The following ATG2B variants were observed in gnomAD, a reference collection of about 807,000 sequenced individuals.
ATG2B encodes the protein autophagy related 2B, also known as autophagy-related protein 2 homolog B.
In ATG2B, 121 loss-of-function variants were observed where a neutral mutation model predicts 241.3. That is an observed-to-expected ratio of 0.50 (90% CI 0.43 to 0.58). ATG2B has a LOEUF of 0.58. ATG2B is among the 20% of genes least tolerant of loss of function. ATG2B has a pLI of 0.00. For missense variants in ATG2B, 2,306 were observed against 2,491.6 expected (o/e 0.93, Z 1.59); for synonymous variants, 858 against 876.6 (o/e 0.98, Z 0.37).
rs545746448 is a variant in ATG2B at position 96,328,917 on chromosome 14, T to C, written c.1882-151A>G. 6.9e-4 allele frequency: 369 copies of C among 535,008 alleles called. 1 individual carries two copies. Among genetic ancestry groups the C allele is most frequent in the Non-Finnish European group, 3.1e-4 (93 of 301,454 alleles). 33.1% of individuals were successfully genotyped at this position (535,008 alleles called of 1,614,324 possible). ...ACTAGCAATGTGAACCTTAGACAAG[T>C]TAGTTAACTCATGTGATATCTCATC... On this transcript the variant is annotated intron_variant, in intron 12 of 41. Coordinates refer to ENST00000359933, the MANE Select transcript of ATG2B (RefSeq NM_018036.7).
chr14:96,315,301 A>G (rs1191309353), intron 22 of ATG2B, 67 bp from the exon 23 acceptor site: 45 of 1,585,944 alleles, frequency 2.8e-5, no homozygotes, highest in Non-Finnish European at 2.5e-5. Context: ...AAGTTTTTCC[A>G]AGAAAATAAA....
chr14:96,346,473 CCATGCATG>C (rs1888172251), intron 2 of ATG2B, among the ~76,000 whole-genome samples: 1 of 152,104 alleles, frequency 6.6e-6, no homozygotes, highest in Non-Finnish European at 1.5e-5. Context: ...AAGACGATTT[CCATGCATG>C]CATAATCGGT....
rs772195120 is a variant in ATG2B at position 96,295,122 on chromosome 14, T to C, written c.5264A>G (p.His1755Arg). The C allele has an allele frequency of 6.2e-6, 10 of 1,614,082 alleles. No individual in the cohort carries two copies. The Admixed American group carries it at 6.7e-5, about 11-fold the overall frequency. ...GADVTCSLPR[H>R]LSTSKEPNLV... The stretch of plus-strand genomic sequence containing the variant: ...ATTTGGCTCCTTTGAGGTACTCAAA[T>C]GCCTTGGCAAACTGCAGGTGACATC... Residue 1755 changes from histidine to arginine, a missense_variant, in exon 36 of 42, where the codon CAT becomes CGT. His to Arg is a conservative substitution (Grantham distance 29). This residue lies in a region of ATG2B where 379 missense variants were observed against 480.4 expected (regional missense o/e 0.79). Transcript: ENST00000359933.
At position 96,289,608 on chromosome 14, in the gene ATG2B, GA is replaced by G; in HGVS notation, c.6006+47del. The G allele has an allele frequency of 1.3e-6, 2 of 1,592,778 alleles. No individual in the cohort carries two copies. The highest frequency in any genetic ancestry group is 1.7e-6 in the Non-Finnish European group (2 of 1,170,196). On this transcript the variant is annotated intron_variant, in intron 41 of 41. Coordinates refer to ENST00000359933, the MANE Select transcript of ATG2B (RefSeq NM_018036.7). This position sits in a 1 kb window ranked among gnomAD's most constrained non-coding sequence, Gnocchi z 4.3. Reference sequence around the variant, plus strand: ...TAAATGCTCTTTAGGTGAAAGTTGGGAAAGCGCACAGAAGGGTTCTGATGTG... The same window carrying G: ...TAAATGCTCTTTAGGTGAAAGTTGGGAAGCGCACAGAAGGGTTCTGATGTG...
intron 6 of ATG2B, 68 bp from the exon 7 acceptor site, chr14:96,334,569 A>T: frequency 1.1e-6 from 1 of 879,606 alleles, no homozygotes; most frequent in Non-Finnish European, 1.8e-6. Flanking sequence ...AAACGTCAGT[A>T]TATTTTAATG....
Position 96,341,582 on chromosome 14 carries a change from T to C in ATG2B, c.864A>G (p.Leu288=), listed in dbSNP as rs537384313. 1 of 1,604,504 alleles carries C rather than the reference T, an allele frequency of 6.2e-7. No individual in the cohort carries two copies. The highest frequency in any genetic ancestry group is 2.2e-5 in the East Asian group (1 of 44,538). Reference sequence around the variant, plus strand: ...TGAGACTCAACTCCAACCTACCAATTAACCGTCCAATCTGCACTGGGTCAG... The same window carrying C: ...TGAGACTCAACTCCAACCTACCAATCAACCGTCCAATCTGCACTGGGTCAG... ...APSDPVQIGR[L]IGRLELSLTL... is the part of the protein sequence containing the mutation. Residue 288 remains leucine (L), a synonymous_variant, in exon 6 of 42, where the codon TTA becomes TTG. Transcript: ENST00000359933.
chr14:96,295,422 T>G, intron 35 of ATG2B, 60 bp downstream of exon 35: 1 of 1,201,132 alleles, frequency 8.3e-7, no homozygotes, highest in Non-Finnish European at 1.2e-6. Context: ...AAAAGCCTCA[T>G]AACAATTAAA....
rs550919421 is a variant in ATG2B, at chr14:96,290,996, T to C, written c.5580-61A>G. 8 of 1,423,472 alleles carry C rather than the reference T, an allele frequency of 5.6e-6. No individual in the cohort carries two copies. In the African/African-American group the frequency reaches 1.2e-4, roughly 21 times the overall value. 88.2% of individuals were successfully genotyped at this position (1,423,472 alleles called of 1,614,324 possible). A position where few individuals can be genotyped will look rare whatever the true frequency, so the allele number is the denominator to read the frequency against. On this transcript the variant is annotated intron_variant, in intron 38 of 41. Transcript: ENST00000359933. This position sits in a 1 kb window ranked among gnomAD's most constrained non-coding sequence, Gnocchi z 4.4. ...AATACATTTATAGACACAGATTAGT[T>C]TGAGGGTTTTTTTTTACTTAAAACA...
rs144991946 is a variant in ATG2B at position 96,289,721 on chromosome 14, G to A, written c.5941C>T (p.Arg1981Trp). 4.3e-6 allele frequency: 7 copies of A among 1,614,058 alleles called. No individual in the cohort carries two copies. Among genetic ancestry groups the A allele is most frequent in the Admixed American group, 3.3e-5 (2 of 60,008 alleles). ...PKKTKRFPHHRLAHQPVDLRE... is the reference protein window; with the variant it reads ...PKKTKRFPHHWLAHQPVDLRE... ...AGGTCTACTGGCTGGTGGGCTAACC[G>A]GTGATGAGGAAACCTTTTGGTCTTC... is the stretch of plus-strand genomic sequence containing the variant. The change falls in exon 41 of 42, where the codon CGG (arginine) becomes TGG (tryptophan). Residue 1981 changes from arginine (R) to tryptophan (W), a missense_variant. Coordinates refer to ENST00000359933, the MANE Select transcript of ATG2B (RefSeq NM_018036.7). This position sits in a 1 kb window ranked among gnomAD's most constrained non-coding sequence, Gnocchi z 4.3.
rs1046290862 is a variant in ATG2B at position 96,281,355 on chromosome 14, T to C, written c.*4400A>G. On this transcript the variant is annotated 3_prime_UTR_variant, in exon 42 of 42. Transcript: ENST00000359933. ...ACAAGGTACATTTCCACAAAAATAT[T>C]TGTACAGCATCAGTATTCTTATTCA... The C allele has an allele frequency of 2.0e-5, 3 of 152,228 alleles. No homozygotes were observed. The highest frequency in any genetic ancestry group is 4.8e-5 in the African/African-American group (2 of 41,454). 9.4% of individuals were successfully genotyped at this position (152,228 alleles called of 1,614,324 possible). A position where few individuals can be genotyped will look rare whatever the true frequency, so the allele number is the denominator to read the frequency against.
chr14:96,331,769 T>A, intron 10 of ATG2B, 132 bp from the exon 11 acceptor site: 1 of 745,578 alleles, frequency 1.3e-6, no homozygotes, highest in Non-Finnish European at 2.1e-6. Context: ...ATTAAACAAT[T>A]AATTTAAGTA....
intron 14 of ATG2B, among the ~76,000 whole-genome samples, 156 bp downstream of exon 14, chr14:96,328,191 A>T (rs1316574654): frequency 6.6e-6 from 1 of 152,252 alleles, no homozygotes; most frequent in African/African-American, 2.4e-5. Context: ...TCTACTATCA[A>T]GACATAAAAG....
intron 16 of ATG2B, among the ~76,000 whole-genome samples, chr14:96,323,244 G>C (rs1272052356): frequency 6.6e-6 from 1 of 152,170 alleles, no homozygotes; most frequent in African/African-American, 2.4e-5. Flanking sequence ...GGCTGGTGCT[G>C]TTTCTGTTTT....
In ATG2B at chr14:96,306,881, A is replaced by T; in HGVS notation, c.4339T>A (p.Cys1447Ser). 6.2e-7 allele frequency: 1 copy of T among 1,613,896 alleles called. No homozygotes were observed. Among genetic ancestry groups the T allele is most frequent in the Non-Finnish European group, 8.5e-7 (1 of 1,179,980 alleles). Residue 1447 changes from cysteine to serine, a missense_variant, in exon 30 of 42, where the codon TGT becomes AGT. Physicochemically the swap from Cys to Ser is moderately radical, Grantham distance 112 (BLOSUM62 -1). Transcript: ENST00000359933. Reference sequence around the variant, plus strand: ...GGAAACAGGAAGAGGTCTGAACAACATGGCTCCTGAATTTGAGATTTTTCA... The same window carrying T: ...GGAAACAGGAAGAGGTCTGAACAACTTGGCTCCTGAATTTGAGATTTTTCA... ...LDEKSQIQEP[C>S]CSDLFLFPDE... is the part of the protein sequence containing the mutation.
intron 3 of ATG2B, 145 bp downstream of exon 3, chr14:96,345,088 C>T (rs966188487): frequency 4.6e-5 from 27 of 589,444 alleles, no homozygotes; most frequent in African/African-American, 1.4e-4. Flanking sequence ...ATTTAAAATA[C>T]CTCAATTCTA....
chr14:96,303,004 T>C (rs1311094497), intron 33 of ATG2B, 57 bp downstream of exon 33: 37 of 1,301,832 alleles, frequency 2.8e-5, no homozygotes, highest in Non-Finnish European at 1.0e-6. Context: ...TGAAGTTAGA[T>C]ATAATAAAAA....
In ATG2B at chr14:96,329,491, T is replaced by C; in HGVS notation, c.1874A>G (p.Tyr625Cys). 6.2e-7 allele frequency: 1 copy of C among 1,609,210 alleles called. No individual in the cohort carries two copies. Among genetic ancestry groups the C allele is most frequent in the South Asian group, 1.1e-5 (1 of 90,308 alleles). ...AAAGTATTCAATATTTACCTCTGTA[T>C]AGTGAGGAGGAACAGAATGAAAATC... is the stretch of plus-strand genomic sequence containing the variant. ...PTDFHSVPPH[Y>C]TELLTFHSKE... Residue 625 changes from tyrosine to cysteine, a missense_variant, in exon 12 of 42, where the codon TAT becomes TGT. Physicochemically the swap from Tyr to Cys is radical, Grantham distance 194 (BLOSUM62 -2). Transcript: ENST00000359933.
At chr14:96,314,732 G>A (rs60168175) in intron 23 of ATG2B, among the ~76,000 whole-genome samples, 3 of 152,132 alleles carry the variant, frequency 2.0e-5, no homozygotes, top group African/African-American at 2.4e-5. Context: ...ACAGAGCTTC[G>A]CTCTTGTCGC....
intron 1 of ATG2B, among the ~76,000 whole-genome samples, chr14:96,357,621 G>C (rs943735877): frequency 6.6e-6 from 1 of 151,738 alleles, no homozygotes; most frequent in African/African-American, 2.4e-5. Flanking sequence ...CCATCAACTA[G>C]GTACCACAAG....
Sources: allele counts gnomAD v4.1 joint callset (sites outside exome capture counted in the v4.1 genomes callset), GRCh38; gene constraint gnomAD v4.1.1; regional missense constraint gnomAD v4.1.1; non-coding constraint Gnocchi (gnomAD v3.1); transcripts MANE v1.5; gene names NCBI Gene and HGNC (gene_info 2026-07-23, HGNC 2026-07-21).